ATG2B: variants seen among roughly 807,000 people sequenced by gnomAD.
ATG2B encodes the protein autophagy related 2B.
ATG2B carries 121 observed loss-of-function variants against 241.3 expected under a neutral mutation model. That is an observed-to-expected ratio of 0.50 (90% confidence interval 0.43 to 0.58). The LOEUF (loss-of-function observed/expected upper bound fraction) is 0.58. Ranked by LOEUF, ATG2B falls within the 20% of genes least tolerant of loss-of-function variation. The pLI, the probability that ATG2B is intolerant of heterozygous loss-of-function variation, is 0.00. For synonymous variants in ATG2B, 858 were observed against 876.6 expected (o/e 0.98, Z 0.37); for missense variants, 2,306 against 2,491.6 (o/e 0.93, Z 1.59).
chr14:96,331,299 C>T, intron 11 of ATG2B, 77 bp downstream of exon 11: 1 of 1,387,240 alleles, frequency 7.2e-7, no homozygotes, highest in Non-Finnish European at 9.8e-7. Context: ...TACAAAAGTC[C>T]ACATGTGGTT....
At chr14:96,287,188 A>G (rs1015383315) in intron 41 of ATG2B, among the ~76,000 whole-genome samples, 5 of 134,544 alleles carry the variant, frequency 3.7e-5, no homozygotes, top group Admixed American at 1.8e-4. Context: ...CAGGAGGCAG[A>G]GCTTGCAGAG....
chr14:96,302,221 G>C (rs1252902332), intron 33 of ATG2B, 113 bp from the exon 34 acceptor site: 1 of 657,278 alleles, frequency 1.5e-6, no homozygotes, highest in Non-Finnish European at 2.6e-6. Flanking sequence ...ATGAGAAAAA[G>C]AGGAATTGTT....
Position 96,343,101 on chromosome 14 carries a change from G to A in ATG2B, c.744+18C>T, listed in dbSNP as rs1181906192. 2.0e-6 allele frequency: 3 copies of A among 1,525,496 alleles called. No homozygotes were observed. Among genetic ancestry groups the A allele is most frequent in the Admixed American group, 2.2e-5 (1 of 45,542 alleles). The allele number at this position is 1,525,496 out of a possible 1,614,324, so 94.5% of individuals were successfully genotyped here. ...AAAAATCTATGATTATGGTTTTAGG[G>A]TTTTTGTTTTTTCTTACCACTGGTG... is the stretch of plus-strand genomic sequence containing the variant. On this transcript the variant is annotated intron_variant, in intron 5 of 41. Transcript: ENST00000359933.
intron 36 of ATG2B, among the ~76,000 whole-genome samples, chr14:96,292,687 T>C (rs1886519433): frequency 6.6e-6 from 1 of 152,194 alleles, no homozygotes; most frequent in African/African-American, 2.4e-5. Flanking sequence ...CCACCTACAT[T>C]GTTAAATTTT....
intron 41 of ATG2B, among the ~76,000 whole-genome samples, chr14:96,287,660 A>G (rs1886375366): frequency 6.6e-6 from 1 of 152,238 alleles, no homozygotes; most frequent in African/African-American, 2.4e-5. Flanking sequence ...TGTTCAATAA[A>G]TAATTCCTAC....
chr14:96,289,851 G>A lies in ATG2B; in HGVS notation c.5857-46C>T. ...GAAGAAATGAATTAGAAGAAAGTCT[G>A]AAGAGTTACGGACCAGCAGAGCACT... On this transcript the variant is annotated intron_variant, in intron 40 of 41. Coordinates refer to ENST00000359933, the MANE Select transcript of ATG2B (RefSeq NM_018036.7). This position sits in a 1 kb window ranked among gnomAD's most constrained non-coding sequence, Gnocchi z 4.3. 6.2e-7 allele frequency: 1 copy of A among 1,606,048 alleles called. No individual in the cohort carries two copies. Among genetic ancestry groups the A allele is most frequent in the Non-Finnish European group, 8.5e-7 (1 of 1,174,428 alleles).
chr14:96,339,104 C>T (rs999424143), intron 6 of ATG2B, among the ~76,000 whole-genome samples: 1 of 151,806 alleles, frequency 6.6e-6, no homozygotes. Flanking sequence ...CAAGAATGGC[C>T]ATAATTAAAA....
chr14:96,331,383 G>T lies in ATG2B; in HGVS notation c.1723C>A (p.His575Asn). The change falls in exon 11 of 42, where the codon CAC becomes AAC. Residue 575 changes from histidine (H) to asparagine (N), a missense_variant. This residue lies in a region of ATG2B where 1,927 missense variants were observed against 2,011.2 expected (regional missense o/e 0.96). Transcript: ENST00000359933. ...AVFAEACSHD[H>N]LRFIGTGIKV... is the part of the protein sequence containing the mutation. ...ACATATGTGAGAGTTTACCTAAGGT[G>T]ATCGTGTGAGCAAGCTTCTGCAAAC... 1 of 1,612,600 alleles carries T rather than the reference G, an allele frequency of 6.2e-7. No individual in the cohort carries two copies. Among genetic ancestry groups the T allele is most frequent in the East Asian group, 2.2e-5 (1 of 44,858 alleles).
Position 96,311,119 on chromosome 14 carries a change from T to G in ATG2B, c.4159A>C (p.Lys1387Gln), listed in dbSNP as rs751945011. 2.5e-6 allele frequency: 4 copies of G among 1,611,144 alleles called. No homozygotes were observed. The highest frequency in any genetic ancestry group is 3.4e-6 in the Non-Finnish European group (4 of 1,178,298). ...MKPGAFQRRS[K>Q]VDSSGRSSSR... Reference sequence around the variant, plus strand: ...AGGAATCACATTGCTGACTGTACCTTAGACCTTCTTTGAAAGGCTCCAGGC... The same window carrying G: ...AGGAATCACATTGCTGACTGTACCTGAGACCTTCTTTGAAAGGCTCCAGGC... Residue 1387 changes from lysine to glutamine, a missense_variant and splice_region_variant, in exon 28 of 42, where the codon AAG becomes CAG. Transcript: ENST00000359933.
chr14:96,307,705 A>G (rs1886991853), intron 29 of ATG2B, among the ~76,000 whole-genome samples: 1 of 151,984 alleles, frequency 6.6e-6, no homozygotes, highest in African/African-American at 2.4e-5. Context: ...GGAGGGAAGA[A>G]TAGCTGTTGA....
At chr14:96,291,739 T>A in intron 37 of ATG2B, 57 bp from the exon 38 acceptor site, 2 of 1,210,816 alleles carry the variant, frequency 1.7e-6, no homozygotes, top group East Asian at 2.3e-5. Context: ...ACTCAACATC[T>A]AAAATAATTG....
At chr14:96,356,128 G>C (rs1301719678) in intron 1 of ATG2B, among the ~76,000 whole-genome samples, 2 of 149,918 alleles carry the variant, frequency 1.3e-5, no homozygotes, top group Non-Finnish European at 2.9e-5. Context: ...CTGAGATCAC[G>C]CCACTGCACT....
chr14:96,304,434 A>G, intron 32 of ATG2B, 61 bp downstream of exon 32: 1 of 1,298,650 alleles, frequency 7.7e-7, no homozygotes, highest in Non-Finnish European at 1.1e-6. Flanking sequence ...GTGGGGGATA[A>G]CAAAAGAACC....
chr14:96,297,137 A>C (rs1022610965), intron 34 of ATG2B, among the ~76,000 whole-genome samples: 4 of 152,100 alleles, frequency 2.6e-5, no homozygotes, highest in Admixed American at 6.5e-5. Flanking sequence ...TAATATATAT[A>C]ATTCATATTA....
At chr14:96,309,745 T>A in intron 28 of ATG2B, 151 bp from the exon 29 acceptor site, 2 of 742,288 alleles carry the variant, frequency 2.7e-6, no homozygotes, top group South Asian at 5.2e-5. Context: ...GCTGTTATAT[T>A]TCAAGTTTTT....
chr14:96,317,904 G>C, intron 18 of ATG2B, 49 bp from the exon 19 acceptor site: 1 of 1,298,584 alleles, frequency 7.7e-7, no homozygotes, highest in Non-Finnish European at 1.0e-6. Flanking sequence ...TAGTTCAACA[G>C]AAGGCAAACT....
At chr14:96,324,561 A>C (rs1042228368) in intron 15 of ATG2B, among the ~76,000 whole-genome samples, 9 of 151,994 alleles carry the variant, frequency 5.9e-5, no homozygotes, top group Admixed American at 5.2e-4. Flanking sequence ...GTGACATCCA[A>C]CTGAGGCACG....
chr14:96,334,627 ACT>A, intron 6 of ATG2B, 126 bp from the exon 7 acceptor site: 1 of 523,082 alleles, frequency 1.9e-6, no homozygotes, highest in Non-Finnish European at 3.4e-6. Flanking sequence ...TTCATCTGAG[ACT>A]CTCTCTACTA....
chr14:96,323,349 T>G (rs1371939698), intron 16 of ATG2B, among the ~76,000 whole-genome samples: 1 of 152,198 alleles, frequency 6.6e-6, no homozygotes, highest in Non-Finnish European at 1.5e-5. Flanking sequence ...TTCCTAAGCT[T>G]CTACAGAACA....
Sources: allele counts gnomAD v4.1 joint callset (sites outside exome capture counted in the v4.1 genomes callset), GRCh38; gene constraint gnomAD v4.1.1; regional missense constraint gnomAD v4.1.1; non-coding constraint Gnocchi (gnomAD v3.1); transcripts MANE v1.5; gene names NCBI Gene and HGNC (gene_info 2026-07-23, HGNC 2026-07-21).